The following UNC5B variants were observed in gnomAD, a reference collection of about 807,000 sequenced individuals.
UNC5B encodes netrin receptor UNC5B.
Under a neutral mutation model 103.7 loss-of-function variants are expected in UNC5B, and 56 were observed. That is an observed-to-expected ratio of 0.54 (90% CI 0.44 to 0.67). The LOEUF (loss-of-function observed/expected upper bound fraction) is 0.67, where lower values mean the gene tolerates loss of function less well. UNC5B is among the 30% of genes least tolerant of loss of function. UNC5B has a pLI of 0.00. For missense variants in UNC5B, 1,194 were observed against 1,284.5 expected, an observed-to-expected ratio of 0.93 and a Z score of 1.08; for synonymous variants, 577 against 542.0, an observed-to-expected ratio of 1.06 and a Z score of -0.90.
intron 1 of UNC5B, among the ~76,000 whole-genome samples, chr10:71,216,838 A>G (rs1388259145): frequency 1.3e-5 from 2 of 152,154 alleles, no homozygotes; most frequent in African/African-American, 2.4e-5. Context: ...GATCATTTCC[A>G]TTCCAAGTGC....
chr10:71,239,097 A>G (rs1055165675), intron 1 of UNC5B, among the ~76,000 whole-genome samples: 3 of 152,122 alleles, frequency 2.0e-5, no homozygotes, highest in Non-Finnish European at 2.9e-5. Flanking sequence ...CGTGTCTCCC[A>G]GCCACCCTAA....
At chr10:71,259,893 G>A (rs1844375265) in intron 1 of UNC5B, among the ~76,000 whole-genome samples, 1 of 152,254 alleles carries the variant, frequency 6.6e-6, no homozygotes, top group African/African-American at 2.4e-5. Context: ...TAGCCCAGGG[G>A]ACTGGATAGG....
chr10:71,235,404 G>A (rs915403963), intron 1 of UNC5B, among the ~76,000 whole-genome samples: 1 of 152,232 alleles, frequency 6.6e-6, no homozygotes, highest in Admixed American at 6.5e-5. Flanking sequence ...GTTTCCCTGG[G>A]TGGGACTGAC....
intron 1 of UNC5B, among the ~76,000 whole-genome samples, chr10:71,238,239 G>A (rs1054262597): frequency 6.6e-6 from 1 of 152,280 alleles, no homozygotes; most frequent in East Asian, 1.9e-4. Flanking sequence ...GAAGACCTCA[G>A]GGGTAAACTG....
intron 10 of UNC5B, 44 bp downstream of exon 10, chr10:71,291,865 T>A: frequency 6.5e-7 from 1 of 1,546,456 alleles, no homozygotes; most frequent in Non-Finnish European, 8.7e-7. Flanking sequence ...CCTTAGCACC[T>A]CCTCTGTGGA....
intron 1 of UNC5B, among the ~76,000 whole-genome samples, chr10:71,245,350 C>T (rs1037184697): frequency 1.3e-5 from 2 of 152,194 alleles, no homozygotes; most frequent in African/African-American, 2.4e-5. Context: ...CACCTACATT[C>T]GCGTTTACCG....
chr10:71,275,274 T>G (rs993089486), intron 1 of UNC5B, among the ~76,000 whole-genome samples: 22 of 152,226 alleles, frequency 1.4e-4, no homozygotes, highest in Non-Finnish European at 2.8e-4. Flanking sequence ...ACACTTCATG[T>G]GGGAATTTTC....
Position 71,291,606 on chromosome 10 carries a change from C to G in UNC5B, c.1469C>G (p.Thr490Arg). ...LKVKVYSSST[T>R]GSGPGLADGA... Reference sequence around the variant, plus strand: ...GTCAAGGTCTACAGCTCCAGCACCACGGGCTCTGGGCCAGGCCTGGCAGAT... The same window carrying G: ...GTCAAGGTCTACAGCTCCAGCACCAGGGGCTCTGGGCCAGGCCTGGCAGAT... The change falls in exon 10 of 17, where the codon ACG becomes AGG. Residue 490 changes from threonine (T) to arginine (R), a missense_variant. Physicochemically the swap from Thr to Arg is moderately conservative, Grantham distance 71. Coordinates refer to ENST00000335350, the MANE Select transcript of UNC5B (RefSeq NM_170744.5). The G allele has an allele frequency of 6.2e-7, 1 of 1,614,106 alleles. No homozygotes were observed.
intron 1 of UNC5B, among the ~76,000 whole-genome samples, chr10:71,278,762 C>T (rs1844836712): frequency 6.6e-6 from 1 of 152,256 alleles, no homozygotes; most frequent in Non-Finnish European, 1.5e-5. Flanking sequence ...GCTGGAGGGG[C>T]TGGGCGGCCA....
In UNC5B at chr10:71,212,970, A is replaced by G; in HGVS notation, c.-16A>G. ...ACAGCCCTGGGGGAGAGGCGCCCGA[A>G]CCAGGCCGCGGGAGCATGGGGGCCC... On this transcript the variant is annotated 5_prime_UTR_variant, in exon 1 of 17. Coordinates refer to ENST00000335350, the MANE Select transcript of UNC5B (RefSeq NM_170744.5). 7.5e-7 allele frequency: 1 copy of G among 1,341,166 alleles called. No individual in the cohort carries two copies. Among genetic ancestry groups the G allele is most frequent in the Non-Finnish European group, 9.6e-7 (1 of 1,043,354 alleles). The allele number at this position is 1,341,166 out of a possible 1,614,324, so 83.1% of individuals were successfully genotyped here.
intron 1 of UNC5B, among the ~76,000 whole-genome samples, chr10:71,243,751 C>T (rs1318487789): frequency 6.6e-6 from 1 of 152,212 alleles, no homozygotes; most frequent in African/African-American, 2.4e-5. Flanking sequence ...AAATCAGAAC[C>T]ACAGCTACAG....
At chr10:71,241,063 C>T (rs1043546690) in intron 1 of UNC5B, among the ~76,000 whole-genome samples, 1 of 152,206 alleles carries the variant, frequency 6.6e-6, no homozygotes, top group African/African-American at 2.4e-5. Context: ...CTGGTCAGAT[C>T]ACTCTACTTG....
chr10:71,216,948 G>A lies in UNC5B; in HGVS notation c.79+3884G>A, dbSNP rs78542513. ...TTTTGACCCTCAGAGTTGGGGTTGGGTGGAAAGGAGACAGTTTGGAGGCCA... is the reference window on the plus strand; with the variant it reads ...TTTTGACCCTCAGAGTTGGGGTTGGATGGAAAGGAGACAGTTTGGAGGCCA... On this transcript the variant is annotated intron_variant, in intron 1 of 16. Coordinates refer to ENST00000335350, the MANE Select transcript of UNC5B (RefSeq NM_170744.5). Among the ~76,000 whole-genome samples, 379 of 152,350 alleles carry A rather than the reference G, an allele frequency of 2.5e-3. 13 individuals carry two copies. The East Asian group carries it at 0.062, about 25-fold the overall frequency.
intron 1 of UNC5B, among the ~76,000 whole-genome samples, chr10:71,277,974 T>G (rs1844811802): frequency 6.6e-6 from 1 of 152,184 alleles, no homozygotes; most frequent in Admixed American, 6.5e-5. Context: ...CAGAGCTACG[T>G]AGATCAATGA....
intron 1 of UNC5B, among the ~76,000 whole-genome samples, chr10:71,250,763 C>T (rs1589165816): frequency 1.3e-5 from 2 of 152,228 alleles, no homozygotes; most frequent in East Asian, 1.9e-4. Context: ...TTATCCCCCT[C>T]CTAGCTCCCA....
chr10:71,232,865 A>G (rs749017808), intron 1 of UNC5B, among the ~76,000 whole-genome samples: 11 of 152,192 alleles, frequency 7.2e-5, no homozygotes, highest in Admixed American at 4.6e-4. Flanking sequence ...GTTCTCATGC[A>G]GTCCTCCCAA....
intron 2 of UNC5B, among the ~76,000 whole-genome samples, chr10:71,282,980 C>T (rs778835703): frequency 2.0e-5 from 3 of 152,120 alleles, no homozygotes; most frequent in Non-Finnish European, 2.9e-5. Flanking sequence ...ATTAGCCAGG[C>T]GTGGTGGCAG....
chr10:71,270,357 AGGG>A (rs1388005395), intron 1 of UNC5B, among the ~76,000 whole-genome samples: 454 of 6,428 alleles, frequency 0.071, 8 homozygotes, highest in African/African-American at 0.16. Context: ...GGAGGGAGGG[AGGG>A]AGGGAGGGAG....
chr10:71,219,417 G>A (rs914459365), intron 1 of UNC5B, among the ~76,000 whole-genome samples: 2 of 152,196 alleles, frequency 1.3e-5, no homozygotes, highest in South Asian at 4.1e-4. Context: ...TGATGTTCGA[G>A]GGCAGAAAGC....
Sources: gnomAD v4.1 joint callset for allele counts (sites outside exome capture counted in the v4.1 genomes callset) on GRCh38, gnomAD v4.1.1 for gene constraint, MANE v1.5 for transcripts, NCBI Gene and HGNC (gene_info 2026-07-23, HGNC 2026-07-21) for gene names.